CCDC66: variants seen among roughly 807,000 people sequenced by gnomAD.
The protein encoded by CCDC66 is coiled-coil domain containing 66.
In CCDC66, 133 loss-of-function variants were observed where a neutral mutation model predicts 128.3. The observed-to-expected ratio is 1.04, with a 90% CI of 0.90 to 1.20. The LOEUF (loss-of-function observed/expected upper bound fraction) is 1.20, where lower values mean the gene tolerates loss of function less well. Among genes scored for constraint, CCDC66 ranks in the 50% most tolerant of loss-of-function variants. CCDC66 has a pLI of 0.00. For synonymous variants in CCDC66, 387 were observed against 357.0 expected (o/e 1.08, Z -0.95); for missense variants, 1,126 against 1,075.5 (o/e 1.05, Z -0.66).
Position 56,593,571 on chromosome 3 carries a change from G to A in CCDC66, c.1149G>A (p.Gln383=), listed in dbSNP as rs771414680. The part of the protein sequence containing the change: ...YPGSQSQLFS[Q]STHKQPEYFC... ...GTTCTCAATCTCAGCTGTTCTCTCA[G>A]TCAACACACAAACAACCTGAGTACT... Residue 383 remains glutamine, a synonymous_variant, in exon 9 of 18, where the codon CAG becomes CAA. Coordinates refer to ENST00000394672, the MANE Select transcript of CCDC66 (RefSeq NM_001141947.3). The A allele has an allele frequency of 6.2e-7, 1 of 1,614,124 alleles. No homozygotes were observed. The highest frequency in any genetic ancestry group is 1.1e-5 in the South Asian group (1 of 91,082).
At chr3:56,575,625 C>A (rs1280349587) in intron 7 of CCDC66, among the ~76,000 whole-genome samples, 1 of 151,594 alleles carries the variant, frequency 6.6e-6, no homozygotes, top group African/African-American at 2.4e-5. Context: ...TCTTTTGTTG[C>A]CTGTGTTTTT....
intron 17 of CCDC66, 68 bp downstream of exon 17, chr3:56,619,969 G>A: frequency 6.6e-7 from 1 of 1,525,960 alleles, no homozygotes; most frequent in South Asian, 1.2e-5. Flanking sequence ...GGAACCTGTT[G>A]AACGGTTTGT....
intron 7 of CCDC66, among the ~76,000 whole-genome samples, chr3:56,590,076 A>G (rs2070592661): frequency 1.3e-5 from 2 of 152,150 alleles, no homozygotes; most frequent in Non-Finnish European, 1.5e-5. Flanking sequence ...CGACATCCCT[A>G]CCACCCACAT....
In CCDC66 at chr3:56,593,076, T is replaced by A. The variant is rs147859196; in HGVS notation, c.1043T>A (p.Ile348Lys). The A allele has an allele frequency of 1.3e-6, 2 of 1,599,628 alleles. No individual in the cohort carries two copies. The highest frequency in any genetic ancestry group is 1.7e-6 in the Non-Finnish European group (2 of 1,171,964). Residue 348 changes from isoleucine to lysine, a missense_variant, in exon 8 of 18, where the codon ATA becomes AAA. Ile to Lys is a moderately radical substitution (Grantham distance 102). Transcript: ENST00000394672. ...ATAGAAGATGACCGTCAAAGAAAAATAGAGGAAAAAATTATATATTCAAAG... is the reference window on the plus strand; with the variant it reads ...ATAGAAGATGACCGTCAAAGAAAAAAAGAGGAAAAAATTATATATTCAAAG... Reference protein sequence around the residue: ...KQIEDDRQRKIEEKIIYSKGE... With the variant: ...KQIEDDRQRKKEEKIIYSKGE...
At chr3:56,570,610 G>A (rs916877165) in intron 6 of CCDC66, 5 of 169,896 alleles carry the variant, frequency 2.9e-5, no homozygotes, top group Admixed American at 6.4e-5. Flanking sequence ...TTAGCCGGGC[G>A]TGGTGGTGCT....
chr3:56,594,365 G>A (rs2071480960), intron 10 of CCDC66, among the ~76,000 whole-genome samples: 1 of 151,798 alleles, frequency 6.6e-6, no homozygotes, highest in African/African-American at 2.4e-5. Flanking sequence ...TTTGAATAGG[G>A]ATTGAACTAG....
At chr3:56,602,410 G>T (rs752426394) in intron 10 of CCDC66, among the ~76,000 whole-genome samples, 1 of 152,020 alleles carries the variant, frequency 6.6e-6, no homozygotes, top group Non-Finnish European at 1.5e-5. Context: ...ATGTTCATCA[G>T]GGATATTGGC....
intron 10 of CCDC66, among the ~76,000 whole-genome samples, chr3:56,603,241 T>C (rs2073520581): frequency 6.6e-6 from 1 of 152,084 alleles, no homozygotes; most frequent in Non-Finnish European, 1.5e-5. Flanking sequence ...AGCCAGCTCC[T>C]GGATTCATTG....
At position 56,589,002 on chromosome 3, in the gene CCDC66, G is replaced by A. The variant is rs534575750; in HGVS notation, c.937-3968G>A. The stretch of plus-strand genomic sequence containing the variant: ...ATTGAAGCCCAAGGTAGGTCAAAGT[G>A]GATATTAGTAAAACTGGAAATACCT... On this transcript the variant is annotated intron_variant, in intron 7 of 17. Coordinates refer to ENST00000394672, the MANE Select transcript of CCDC66 (RefSeq NM_001141947.3). 2.6e-5 allele frequency among the ~76,000 whole-genome samples: 4 copies of A among 152,120 alleles called. No individual in the cohort carries two copies. In the South Asian group the frequency reaches 8.3e-4, roughly 32 times the overall value.
chr3:56,617,350 G>T lies in CCDC66; in HGVS notation c.2082G>T (p.Met694Ile), dbSNP rs749050667. 46 of 1,613,026 alleles carry T rather than the reference G, an allele frequency of 2.9e-5. No individual in the cohort carries two copies. In the East Asian group the frequency reaches 9.8e-4, roughly 34 times the overall value. ...FTRIEKQTKHMKKYPKRPDWN... is the reference protein window; with the variant it reads ...FTRIEKQTKHIKKYPKRPDWN... ...GAATAGAGAAACAAACAAAACACAT[G>T]AAGAAATATCCTAAAAGGCCTGATT... Residue 694 changes from methionine to isoleucine, a missense_variant, in exon 14 of 18, where the codon ATG becomes ATT. Coordinates refer to ENST00000394672, the MANE Select transcript of CCDC66 (RefSeq NM_001141947.3).
intron 3 of CCDC66, 119 bp from the exon 4 acceptor site, chr3:56,563,565 A>T: frequency 1.4e-6 from 1 of 708,258 alleles, no homozygotes; most frequent in Non-Finnish European, 2.3e-6. Context: ...TTATGGTTAT[A>T]TTACCTAAAT....
chr3:56,567,781 C>T lies in CCDC66; in HGVS notation c.814+728C>T, dbSNP rs185394048. Among the ~76,000 whole-genome samples the T allele has an allele frequency of 1.7e-4, 26 of 151,350 alleles. No homozygotes were observed. In the Middle Eastern group the frequency reaches 0.01, roughly 60 times the overall value. Reference sequence around the variant, plus strand: ...GATCTCGGCTCACTGCAAGCTCCACCTCCCGGGTTCACGCCATTCTGCCTC... The same window carrying T: ...GATCTCGGCTCACTGCAAGCTCCACTTCCCGGGTTCACGCCATTCTGCCTC... On this transcript the variant is annotated intron_variant, in intron 6 of 17. Coordinates refer to ENST00000394672, the MANE Select transcript of CCDC66 (RefSeq NM_001141947.3).
intron 10 of CCDC66, among the ~76,000 whole-genome samples, chr3:56,603,090 C>T (rs910172108): frequency 1.3e-5 from 2 of 151,968 alleles, no homozygotes; most frequent in East Asian, 1.9e-4. Context: ...CCACCTCGGC[C>T]TCCCAAAGTA....
In CCDC66 at chr3:56,615,128, G is replaced by GA. The variant is rs2075326223; in HGVS notation, c.1570dup (p.Ile524AsnfsTer8). ...TTTAGTAACACATCAATATTGACAG[G>GA]AAATCATGACTCTCAAGACAAATGA... On this transcript the variant is annotated frameshift_variant and splice_region_variant, in exon 12 of 18. Transcript: ENST00000394672. LOFTEE classifies it high-confidence loss of function. 1.2e-6 allele frequency: 2 copies of GA among 1,613,114 alleles called. No individual in the cohort carries two copies. Among genetic ancestry groups the GA allele is most frequent in the Non-Finnish European group, 1.7e-6 (2 of 1,179,654 alleles).
At chr3:56,603,086 C>T (rs922670454) in intron 10 of CCDC66, among the ~76,000 whole-genome samples, 3 of 151,916 alleles carry the variant, frequency 2.0e-5, no homozygotes, top group African/African-American at 7.3e-5. Flanking sequence ...CCACCCACCT[C>T]GGCCTCCCAA....
chr3:56,598,944 T>C (rs544982617), intron 10 of CCDC66, among the ~76,000 whole-genome samples: 1 of 152,200 alleles, frequency 6.6e-6, no homozygotes, highest in African/African-American at 2.4e-5. Flanking sequence ...CAGAATGAGT[T>C]AGGGAAAATT....
At position 56,594,918 on chromosome 3, in the gene CCDC66, G is replaced by GT. The variant is rs2071597396; in HGVS notation, c.1404+898dup. Among the ~76,000 whole-genome samples the GT allele has an allele frequency of 2.6e-5, 4 of 152,034 alleles. No homozygotes were observed. In the South Asian group the frequency reaches 8.3e-4, roughly 32 times the overall value. On this transcript the variant is annotated intron_variant, in intron 10 of 17. Coordinates refer to ENST00000394672, the MANE Select transcript of CCDC66 (RefSeq NM_001141947.3). ...GCTAAGCACTGAGATTATTTCTTCA[G>GT]TTTTTTTTAATACCATTTCCTCCAG...
chr3:56,620,012 C>A, intron 17 of CCDC66, 111 bp downstream of exon 17: 2 of 1,167,312 alleles, frequency 1.7e-6, no homozygotes, highest in Non-Finnish European at 1.2e-6. Context: ...CAGGATTTAA[C>A]AAAAATATTT....
chr3:56,579,707 A>T (rs1324176828), intron 7 of CCDC66, among the ~76,000 whole-genome samples: 2 of 151,816 alleles, frequency 1.3e-5, no homozygotes, highest in Non-Finnish European at 2.9e-5. Context: ...GTTTCCATGT[A>T]GTTGAGTGGT....
Sources: gnomAD v4.1 joint callset for allele counts (sites outside exome capture counted in the v4.1 genomes callset) on GRCh38, gnomAD v4.1.1 for gene constraint, MANE v1.5 for transcripts, NCBI Gene and HGNC (gene_info 2026-07-23, HGNC 2026-07-21) for gene names.